CACNA1E: variants seen among roughly 807,000 people sequenced by gnomAD.
CACNA1E encodes the protein voltage-dependent R-type calcium channel subunit alpha-1E.
A neutral mutation model predicts 259.2 loss-of-function variants in CACNA1E; 40 were observed. That is an observed-to-expected ratio of 0.15 (90% CI 0.12 to 0.20). CACNA1E has a LOEUF of 0.20. CACNA1E is among the 10% of genes least tolerant of loss of function. The pLI, the probability that CACNA1E is intolerant of heterozygous loss-of-function variation, is 1.00. For missense variants in CACNA1E, 1,874 were observed against 3,040.1 expected (o/e 0.62, Z 9.02); for synonymous variants, 1,104 against 1,138.5 (o/e 0.97, Z 0.61).
chr1:181,766,711 C>G (rs1453743851), intron 35 of CACNA1E, 100 bp downstream of exon 35: 2 of 881,680 alleles, frequency 2.3e-6, no homozygotes, highest in African/African-American at 3.3e-5. Context: ...GCTTTGAACC[C>G]CTTCTTGCCT....
chr1:181,349,759 G>A (rs1652891478), intron 1 of CACNA1E, among the ~76,000 whole-genome samples: 1 of 152,132 alleles, frequency 6.6e-6, no homozygotes, highest in Non-Finnish European at 1.5e-5. Flanking sequence ...TCAGGGTTGT[G>A]TAGGGAGGAA....
At chr1:181,386,915 G>A (rs1655894227) in intron 1 of CACNA1E, among the ~76,000 whole-genome samples, 1 of 152,154 alleles carries the variant, frequency 6.6e-6, no homozygotes, top group Non-Finnish European at 1.5e-5. Flanking sequence ...AGTGGGGACC[G>A]CTCTTGGGCT....
At chr1:181,756,874 G>A (rs1043890547) in intron 29 of CACNA1E, 51 bp from the exon 30 acceptor site, 22 of 1,225,056 alleles carry the variant, frequency 1.8e-5, no homozygotes, top group South Asian at 9.9e-5. Context: ...ATTTCCTAAC[G>A]AAGCCAAGAC....
chr1:181,782,917 A>T (rs543292408), intron 39 of CACNA1E, among the ~76,000 whole-genome samples: 21 of 152,238 alleles, frequency 1.4e-4, no homozygotes, highest in African/African-American at 4.8e-4. Flanking sequence ...CAAAAGCAAA[A>T]TACTCTCTGG....
intron 34 of CACNA1E, among the ~76,000 whole-genome samples, chr1:181,764,961 C>T (rs987993794): frequency 2.6e-5 from 4 of 152,138 alleles, no homozygotes; most frequent in Non-Finnish European, 5.9e-5. Flanking sequence ...GCAAATACTA[C>T]AGAGAACAGG....
intron 7 of CACNA1E, among the ~76,000 whole-genome samples, chr1:181,692,250 A>AGATTCAATG (rs1479699880): frequency 1.3e-5 from 2 of 148,750 alleles, no homozygotes; most frequent in East Asian, 2.0e-4. Context: ...CCAAAGCAAC[A>AGATTCAATG]CTATTTCAAT....
intron 3 of CACNA1E, among the ~76,000 whole-genome samples, chr1:181,519,134 C>T (rs4126689): frequency 0.39 from 59,489 of 151,890 alleles, 11,841 homozygotes; most frequent in South Asian, 0.54. Flanking sequence ...GGGTGAAAAT[C>T]CCCAGGTATG....
At chr1:181,737,408 T>A in intron 22 of CACNA1E, 117 bp from the exon 23 acceptor site, 1 of 1,213,050 alleles carries the variant, frequency 8.2e-7, no homozygotes, top group Admixed American at 2.5e-5. Flanking sequence ...CCCTGGCGGC[T>A]TCCTTTGGCA....
intron 1 of CACNA1E, among the ~76,000 whole-genome samples, chr1:181,336,149 G>A (rs1301111680): frequency 6.6e-6 from 1 of 152,184 alleles, no homozygotes; most frequent in Non-Finnish European, 1.5e-5. Context: ...GAGGGCTTGA[G>A]TGAAGATAGA....
chr1:181,750,902 A>T (rs1303964730), intron 26 of CACNA1E, among the ~76,000 whole-genome samples: 2 of 151,922 alleles, frequency 1.3e-5, no homozygotes, highest in African/African-American at 4.8e-5. Flanking sequence ...CAAAGTCAGC[A>T]TTCCTTCAAT....
At chr1:181,370,117 G>A (rs531153839) in intron 1 of CACNA1E, among the ~76,000 whole-genome samples, 54 of 152,042 alleles carry the variant, frequency 3.6e-4, no homozygotes, top group African/African-American at 1.2e-3. Flanking sequence ...ACATTCAGGG[G>A]TGTGGTTAAA....
intron 25 of CACNA1E, among the ~76,000 whole-genome samples, chr1:181,743,273 G>A (rs766977800): frequency 1.3e-5 from 2 of 152,196 alleles, no homozygotes; most frequent in African/African-American, 2.4e-5. Flanking sequence ...TGAGTGGCTG[G>A]ATCTATGAAA....
intron 7 of CACNA1E, among the ~76,000 whole-genome samples, chr1:181,681,777 T>A (rs1649996652): frequency 6.6e-6 from 1 of 152,206 alleles, no homozygotes; most frequent in African/African-American, 2.4e-5. Flanking sequence ...TTTTTCAATC[T>A]ATAAAAGGGA....
In CACNA1E at chr1:181,433,330, C is replaced by G. The variant is rs889545763; in HGVS notation, c.434+19750C>G. 3.3e-5 allele frequency among the ~76,000 whole-genome samples: 5 copies of G among 152,168 alleles called. No individual in the cohort carries two copies. In the East Asian group the frequency reaches 9.6e-4, roughly 29 times the overall value. ...GCTTTCCTGATTTGGAATCACTTCC[C>G]TCGCTTTTTCTCAGGCTGAGATCCC... is the stretch of plus-strand genomic sequence containing the variant. On this transcript the variant is annotated intron_variant, in intron 2 of 11. Transcript: ENST00000524607.
At chr1:181,395,072 T>A (rs560460072) in intron 1 of CACNA1E, among the ~76,000 whole-genome samples, 1 of 152,134 alleles carries the variant, frequency 6.6e-6, no homozygotes, top group Admixed American at 6.5e-5. Context: ...CAGAATAGAC[T>A]GTAGAGGGGT....
intron 7 of CACNA1E, among the ~76,000 whole-genome samples, chr1:181,709,016 G>A (rs1433950896): frequency 6.6e-6 from 1 of 152,174 alleles, no homozygotes; most frequent in Non-Finnish European, 1.5e-5. Flanking sequence ...AGGCAGGGAA[G>A]GATGAGATCA....
chr1:181,550,875 G>A (rs1039571878), intron 3 of CACNA1E, among the ~76,000 whole-genome samples: 2 of 152,090 alleles, frequency 1.3e-5, no homozygotes, highest in East Asian at 1.9e-4. Flanking sequence ...GTAAAGGATC[G>A]GTGCCTTAAT....
chr1:181,723,332 A>C (rs754421963), intron 16 of CACNA1E, among the ~76,000 whole-genome samples: 14 of 152,178 alleles, frequency 9.2e-5, no homozygotes, highest in Non-Finnish European at 1.5e-4. Flanking sequence ...CATCTCGTTC[A>C]GTGATTCTCT....
intron 6 of CACNA1E, among the ~76,000 whole-genome samples, chr1:181,626,405 C>A (rs1270572636): frequency 6.6e-6 from 1 of 152,162 alleles, no homozygotes; most frequent in Admixed American, 6.5e-5. Context: ...AAGAAAAGAA[C>A]ACTAAAGCCA....
Sources: gnomAD v4.1 joint callset for allele counts (sites outside exome capture counted in the v4.1 genomes callset) on GRCh38, gnomAD v4.1.1 for gene constraint, MANE v1.5 for transcripts, NCBI Gene and HGNC (gene_info 2026-07-23, HGNC 2026-07-21) for gene names.